DTNA: variants seen among roughly 807,000 people sequenced by gnomAD.
The protein encoded by DTNA is dystrobrevin alpha.
In DTNA, 43 loss-of-function variants were observed where a neutral mutation model predicts 100.7. The observed-to-expected ratio is 0.43, with a 90% CI of 0.33 to 0.55. DTNA has a LOEUF of 0.55. DTNA is among the 20% of genes least tolerant of loss of function. DTNA has a pLI of 0.04. For synonymous variants in DTNA, 349 were observed against 347.9 expected, an observed-to-expected ratio of 1.00 and a Z score of -0.04; for missense variants, 798 against 953.9, an observed-to-expected ratio of 0.84 and a Z score of 2.15.
At chr18:34,596,284 T>C (rs948857872) in intron 1 of DTNA, among the ~76,000 whole-genome samples, 1 of 152,192 alleles carries the variant, frequency 6.6e-6, no homozygotes, top group Non-Finnish European at 1.5e-5. Flanking sequence ...ACGCGATTGA[T>C]CTCCACTCAC....
chr18:34,565,717 G>C (rs2047025395), intron 1 of DTNA, among the ~76,000 whole-genome samples: 1 of 152,104 alleles, frequency 6.6e-6, no homozygotes, highest in African/African-American at 2.4e-5. Context: ...TGTATCCTTG[G>C]ATTTAGAGCC....
intron 1 of DTNA, among the ~76,000 whole-genome samples, chr18:34,592,164 A>G (rs888755012): frequency 6.6e-6 from 1 of 152,024 alleles, no homozygotes; most frequent in African/African-American, 2.4e-5. Context: ...GAAACCCCCA[A>G]ATGCTTAGGG....
At chr18:34,731,002 C>T (rs1048638277) in intron 1 of DTNA, among the ~76,000 whole-genome samples, 7 of 152,288 alleles carry the variant, frequency 4.6e-5, no homozygotes, top group African/African-American at 1.4e-4. Context: ...AAATATTTTC[C>T]CTCTTACTAT....
chr18:34,780,861 T>C (rs2094288087), intron 3 of DTNA, among the ~76,000 whole-genome samples: 1 of 152,144 alleles, frequency 6.6e-6, no homozygotes, highest in Admixed American at 6.5e-5. Context: ...AGAAACCTTG[T>C]CCAATGCACT....
intron 1 of DTNA, among the ~76,000 whole-genome samples, chr18:34,616,807 G>T (rs960065825): frequency 1.3e-5 from 2 of 152,126 alleles, no homozygotes; most frequent in African/African-American, 2.4e-5. Flanking sequence ...TCTTTGAGCA[G>T]TGTTTTGTAA....
At chr18:34,563,795 TGTG>T (rs1423356620) in intron 1 of DTNA, among the ~76,000 whole-genome samples, 1 of 152,096 alleles carries the variant, frequency 6.6e-6, no homozygotes, top group African/African-American at 2.4e-5. Flanking sequence ...ATTCAGAAAA[TGTG>T]GGGCGGGGGA....
At chr18:34,684,299 GC>G (rs1371330858) in intron 1 of DTNA, among the ~76,000 whole-genome samples, 2 of 151,644 alleles carry the variant, frequency 1.3e-5, no homozygotes, top group Admixed American at 6.6e-5. Flanking sequence ...CCCTCCCCTT[GC>G]CCCCCATCCC....
At chr18:34,788,172 G>A (rs562339453) in intron 3 of DTNA, among the ~76,000 whole-genome samples, 2 of 152,170 alleles carry the variant, frequency 1.3e-5, no homozygotes, top group East Asian at 1.9e-4. Context: ...CAACCTAAAT[G>A]TCATCTAAAA....
At chr18:34,749,655 T>C (rs12963997) in intron 1 of DTNA, among the ~76,000 whole-genome samples, 127 of 17,558 alleles carry the variant, frequency 7.2e-3, no homozygotes, top group Non-Finnish European at 0.016. Context: ...ATAATAATAA[T>C]AATAATAATA....
intron 18 of DTNA, 53 bp downstream of exon 18, chr18:34,875,451 C>A (rs1215713778): frequency 1.9e-6 from 3 of 1,611,762 alleles, no homozygotes; most frequent in Non-Finnish European, 2.5e-6. Flanking sequence ...AAATAGGTCA[C>A]CAAGGTCTAT....
intron 2 of DTNA, 139 bp from the exon 3 acceptor site, chr18:34,765,822 A>C (rs2093436935): frequency 6.1e-6 from 5 of 816,560 alleles, no homozygotes; most frequent in Non-Finnish European, 9.6e-6. Context: ...GACCTGTTCA[A>C]GTCTTAAAGT....
intron 1 of DTNA, among the ~76,000 whole-genome samples, chr18:34,566,125 A>T (rs1037198340): frequency 6.6e-6 from 1 of 152,246 alleles, no homozygotes; most frequent in Non-Finnish European, 1.5e-5. Flanking sequence ...AAGATTGCCA[A>T]TGCAAGCTGT....
In DTNA at chr18:34,877,489, T is replaced by C. The variant is rs147637404; in HGVS notation, c.1904-230T>C. Among the ~76,000 whole-genome samples, 327 of 152,254 alleles carry C rather than the reference T, an allele frequency of 2.1e-3. 4 individuals are homozygous for C. Among genetic ancestry groups the C allele is most frequent in the Non-Finnish European group, 4.0e-4 (27 of 68,020 alleles). ...TGTCCCCATATGGACAAATAATATA[T>C]GAAACTCCATCATTAGCCATGTCTT... On this transcript the variant is annotated intron_variant, in intron 18 of 22. Coordinates refer to ENST00000444659, the MANE Select transcript of DTNA (RefSeq NM_001386795.1).
chr18:34,531,860 T>A (rs961963375), intron 1 of DTNA, among the ~76,000 whole-genome samples: 3 of 152,270 alleles, frequency 2.0e-5, no homozygotes, highest in East Asian at 1.9e-4. Flanking sequence ...AAACAGAGGT[T>A]TTTGGCTTTT....
At chr18:34,516,577 C>T (rs1163156015) in intron 1 of DTNA, among the ~76,000 whole-genome samples, 1 of 152,094 alleles carries the variant, frequency 6.6e-6, no homozygotes, top group African/African-American at 2.4e-5. Flanking sequence ...GACAGACACT[C>T]CCAGAGCGGC....
chr18:34,556,271 C>G (rs142654002), intron 1 of DTNA, among the ~76,000 whole-genome samples: 6,116 of 152,014 alleles, frequency 0.04, 369 homozygotes, highest in African/African-American at 0.14. Context: ...TGTCTCTGCA[C>G]GTGAGATGGG....
chr18:34,853,295 T>C (rs184440138), intron 15 of DTNA, among the ~76,000 whole-genome samples: 116 of 152,286 alleles, frequency 7.6e-4, no homozygotes, highest in Admixed American at 1.6e-3. Context: ...TTAACCCCAT[T>C]CTTAAACACT....
intron 3 of DTNA, among the ~76,000 whole-genome samples, chr18:34,770,277 A>T (rs1361841478): frequency 6.6e-6 from 1 of 152,216 alleles, no homozygotes; most frequent in Non-Finnish European, 1.5e-5. Context: ...TTTATTGCGT[A>T]TACTAACAAA....
chr18:34,807,867 T>TA (rs1568592332), intron 5 of DTNA, among the ~76,000 whole-genome samples: 1 of 139,114 alleles, frequency 7.2e-6, no homozygotes, highest in Non-Finnish European at 1.5e-5. Flanking sequence ...TTTTTTTTTT[T>TA]CAAAAAAAAA....
Sources: gnomAD v4.1 joint callset for allele counts (sites outside exome capture counted in the v4.1 genomes callset) on GRCh38, gnomAD v4.1.1 for gene constraint, MANE v1.5 for transcripts, NCBI Gene and HGNC (gene_info 2026-07-23, HGNC 2026-07-21) for gene names.